The following SERINC5 variants were observed in gnomAD, a reference collection of about 807,000 sequenced individuals.
SERINC5 encodes the protein serine incorporator 5.
In SERINC5, 41 loss-of-function variants were observed where a neutral mutation model predicts 63.1. That is an observed-to-expected ratio of 0.65 (90% confidence interval 0.51 to 0.84). The LOEUF (loss-of-function observed/expected upper bound fraction) is 0.84, where lower values mean the gene tolerates loss of function less well. Among genes scored for constraint, SERINC5 ranks in the 40% least tolerant of loss-of-function variants. SERINC5 has a pLI of 0.00. For synonymous variants in SERINC5, 222 were observed against 215.2 expected, an observed-to-expected ratio of 1.03 and a Z score of -0.28; for missense variants, 523 against 573.0, an observed-to-expected ratio of 0.91 and a Z score of 0.89.
intron 11 of SERINC5, among the ~76,000 whole-genome samples, chr5:80,127,048 C>T (rs1580024359): frequency 6.6e-6 from 1 of 152,148 alleles, no homozygotes; most frequent in African/African-American, 2.4e-5. Flanking sequence ...TACTGACAGC[C>T]TATGTGACAG....
chr5:80,248,711 G>A (rs1446193597), intron 1 of SERINC5, among the ~76,000 whole-genome samples: 2 of 152,154 alleles, frequency 1.3e-5, no homozygotes, highest in Non-Finnish European at 2.9e-5. Context: ...CAGTGCTAGT[G>A]ATAAGAAACA....
At chr5:80,152,548 C>G (rs868598700) in intron 8 of SERINC5, among the ~76,000 whole-genome samples, 1 of 150,818 alleles carries the variant, frequency 6.6e-6, no homozygotes, top group Admixed American at 6.6e-5. Context: ...TGATTTAGTA[C>G]AGTGTATAGT....
chr5:80,129,950 A>G (rs1744876781), intron 11 of SERINC5, among the ~76,000 whole-genome samples: 1 of 152,238 alleles, frequency 6.6e-6, no homozygotes, highest in Admixed American at 6.5e-5. Flanking sequence ...CTTCCTCAAT[A>G]TCGTCTTCAG....
chr5:80,176,603 T>C (rs769227413), intron 4 of SERINC5, among the ~76,000 whole-genome samples: 1 of 152,136 alleles, frequency 6.6e-6, no homozygotes, highest in Non-Finnish European at 1.5e-5. Flanking sequence ...GGCTAATTTT[T>C]ATATTTTTTA....
At chr5:80,124,218 A>G (rs1744653077) in intron 11 of SERINC5, among the ~76,000 whole-genome samples, 1 of 152,058 alleles carries the variant, frequency 6.6e-6, no homozygotes, top group Non-Finnish European at 1.5e-5. Flanking sequence ...TTTTGCCCCT[A>G]CCTCCAACTT....
At chr5:80,211,314 C>T (rs528399180) in intron 1 of SERINC5, among the ~76,000 whole-genome samples, 16 of 152,254 alleles carry the variant, frequency 1.1e-4, no homozygotes, top group African/African-American at 3.6e-4. Flanking sequence ...TGACTCTGAC[C>T]GAGTGCAGCC....
At chr5:80,223,329 T>C (rs1751003733) in intron 1 of SERINC5, among the ~76,000 whole-genome samples, 2 of 152,214 alleles carry the variant, frequency 1.3e-5, no homozygotes, top group Non-Finnish European at 1.5e-5. Context: ...TATCCTCCTA[T>C]ATACTTTAAA....
intron 2 of SERINC5, among the ~76,000 whole-genome samples, chr5:80,197,223 C>T (rs1036430964): frequency 1.3e-5 from 2 of 151,880 alleles, no homozygotes; most frequent in African/African-American, 2.4e-5. Flanking sequence ...GTGGCAGGCA[C>T]CTGTAATCCC....
chr5:80,128,143 TA>T (rs1175917814), intron 11 of SERINC5, among the ~76,000 whole-genome samples: 1 of 152,230 alleles, frequency 6.6e-6, no homozygotes, highest in African/African-American at 2.4e-5. Context: ...AGATAAAATT[TA>T]TGACTAGACA....
At chr5:80,184,533 T>C (rs1372295971) in intron 2 of SERINC5, among the ~76,000 whole-genome samples, 1 of 152,134 alleles carries the variant, frequency 6.6e-6, no homozygotes, top group Non-Finnish European at 1.5e-5. Flanking sequence ...ATTGACACTG[T>C]ATATTCATCA....
chr5:80,249,110 C>T (rs1375626895), intron 1 of SERINC5, among the ~76,000 whole-genome samples: 5 of 151,844 alleles, frequency 3.3e-5, no homozygotes, highest in Non-Finnish European at 5.9e-5. Context: ...GTCAGGAGAT[C>T]GAGACCATCC....
chr5:80,173,072 T>C (rs1009490961), intron 5 of SERINC5, among the ~76,000 whole-genome samples: 8 of 151,862 alleles, frequency 5.3e-5, no homozygotes, highest in African/African-American at 1.9e-4. Flanking sequence ...CCAAACCTGC[T>C]ATTGTGCAAT....
intron 1 of SERINC5, among the ~76,000 whole-genome samples, chr5:80,230,445 CAAAA>C (rs72476401): frequency 5.4e-5 from 5 of 93,158 alleles, no homozygotes; most frequent in Admixed American, 1.1e-4. Context: ...AAGACTGTCA[CAAAA>C]AAAAAAAAAA....
In SERINC5 at chr5:80,202,105, G is replaced by C. The variant is rs372871058; in HGVS notation, c.195+781C>G. ...ATACAAAAATTAGCTGGCCGTGGTGGGGGGCACCTGTAATCCCAGCTACTA... is the reference window on the plus strand; with the variant it reads ...ATACAAAAATTAGCTGGCCGTGGTGCGGGGCACCTGTAATCCCAGCTACTA... On this transcript the variant is annotated intron_variant, in intron 2 of 11. Transcript: ENST00000507668. Among the ~76,000 whole-genome samples, 9 of 152,102 alleles carry C rather than the reference G, an allele frequency of 5.9e-5. No homozygotes were observed. The East Asian group carries it at 1.4e-3, about 23-fold the overall frequency.
downstream of SERINC5, among the ~76,000 whole-genome samples, chr5:80,137,809 T>G (rs998766778): frequency 1.3e-4 from 20 of 148,990 alleles, no homozygotes; most frequent in Non-Finnish European, 5.9e-5. Context: ...AGGCTTGGTG[T>G]TGTAGCCTGT....
At chr5:80,133,216 T>C (rs935518885) in intron 11 of SERINC5, among the ~76,000 whole-genome samples, 2 of 152,222 alleles carry the variant, frequency 1.3e-5, no homozygotes, top group Non-Finnish European at 2.9e-5. Context: ...CCAATGCTTA[T>C]ACTGCCTGCA....
At chr5:80,252,337 G>A (rs942197873) in intron 1 of SERINC5, among the ~76,000 whole-genome samples, 11 of 152,138 alleles carry the variant, frequency 7.2e-5, no homozygotes, top group Non-Finnish European at 1.6e-4. Context: ...TGGGATTACA[G>A]GCAAGAGCCA....
rs760536888 is a variant in SERINC5, at chr5:80,146,184, C to T, written c.1144G>A (p.Glu382Lys). ...GKEGPRVIYDEKKGTVYIYSY... is the reference protein window; with the variant it reads ...GKEGPRVIYDKKKGTVYIYSY... ...TAGATGTAGACGGTGCCTTTCTTCT[C>T]GTCATAAATGACCCGTGGTCCCTCC... The change falls in exon 11 of 12, where the codon GAG (glutamate) becomes AAG (lysine). Residue 382 changes from glutamate (E) to lysine (K), a missense_variant. Transcript: ENST00000507668. 1.2e-6 allele frequency: 2 copies of T among 1,613,990 alleles called. No homozygotes were observed. Among genetic ancestry groups the T allele is most frequent in the Non-Finnish European group, 1.7e-6 (2 of 1,179,852 alleles).
chr5:80,245,302 T>C (rs1410477326), intron 1 of SERINC5, among the ~76,000 whole-genome samples: 6 of 152,198 alleles, frequency 3.9e-5, no homozygotes, highest in Non-Finnish European at 7.3e-5. Context: ...CAGGATTGCA[T>C]GGATCTCTAG....
Sources: allele counts gnomAD v4.1 joint callset (sites outside exome capture counted in the v4.1 genomes callset), GRCh38; gene constraint gnomAD v4.1.1; transcripts MANE v1.5; gene names NCBI Gene and HGNC (gene_info 2026-07-23, HGNC 2026-07-21).